Variants in GJC1 observed in about 807,000 individuals in gnomAD.
GJC1 encodes gap junction gamma-1 protein.
A neutral mutation model predicts 29.3 loss-of-function variants in GJC1; 5 were observed. The observed-to-expected ratio is 0.17, with a 90% CI of 0.09 to 0.36. The LOEUF is 0.36. Ranked by LOEUF, GJC1 falls within the 10% of genes least tolerant of loss-of-function variation. The pLI is 1.00. For synonymous variants in GJC1, 177 were observed against 183.3 expected (o/e 0.97, Z 0.28); for missense variants, 310 against 496.2 (o/e 0.62, Z 3.56).
intron 1 of GJC1, among the ~76,000 whole-genome samples, chr17:44,810,230 C>T (rs932646610): frequency 3.7e-4 from 57 of 152,258 alleles, no homozygotes; most frequent in African/African-American, 1.2e-3. Context: ...CTCCTGACCT[C>T]AGGTAATCCG....
chr17:44,799,683 C>G lies in GJC1; in HGVS notation c.*4944G>C, dbSNP rs2049818973. The G allele has an allele frequency of 6.6e-6, 1 of 152,286 alleles. No homozygotes were observed. The highest frequency in any genetic ancestry group is 1.5e-5 in the Non-Finnish European group (1 of 68,064). The allele number at this position is 152,286 out of a possible 1,614,324, so 9.4% of individuals were successfully genotyped here. On this transcript the variant is annotated 3_prime_UTR_variant, in exon 3 of 3. Coordinates refer to ENST00000592524, the MANE Select transcript of GJC1 (RefSeq NM_005497.4). The stretch of plus-strand genomic sequence containing the variant: ...CCTGTAATCCCAGCACCTTCGGAGG[C>G]TGTGATGGGAGGATTGCTTGGGCCC...
In GJC1 at chr17:44,805,879, T is replaced by A. The variant is rs529239213; in HGVS notation, c.-20-42A>T. 26 of 871,974 alleles carry A rather than the reference T, an allele frequency of 3.0e-5. No individual in the cohort carries two copies. In the African/African-American group the frequency reaches 3.7e-4, roughly 13 times the overall value. The allele number at this position is 871,974 out of a possible 1,614,324, so 54.0% of individuals were successfully genotyped here. On this transcript the variant is annotated intron_variant, in intron 2 of 2. Transcript: ENST00000592524. The surrounding 1 kb of genome is among the most constrained non-coding windows in gnomAD (Gnocchi z 5.1). ...AATACCAAAATAAAATCAACAAATA[T>A]TAAATCTTAATTTAATTACTAATTA... is the stretch of plus-strand genomic sequence containing the variant.
downstream of GJC1, chr17:44,797,831 A>G (rs2049793281): frequency 6.6e-6 from 1 of 152,240 alleles, no homozygotes; most frequent in Admixed American, 6.5e-5. Flanking sequence ...ATAGCGTTCA[A>G]ATAGCTCACA....
intron 1 of GJC1, among the ~76,000 whole-genome samples, chr17:44,821,716 A>AAAC: frequency 6.8e-6 from 1 of 147,768 alleles, no homozygotes; most frequent in African/African-American, 2.5e-5. Context: ...AAAAAAAAAA[A>AAAC]AAAAAAAAAC....
Position 44,804,319 on chromosome 17 carries a change from T to A in GJC1, c.*308A>T. On this transcript the variant is annotated 3_prime_UTR_variant, in exon 3 of 3. Coordinates refer to ENST00000592524, the MANE Select transcript of GJC1 (RefSeq NM_005497.4). The stretch of plus-strand genomic sequence containing the variant: ...TCATACTAAAAAAAAAAAAGTACCA[T>A]AATACTGTACATACAAAAACTGTTC... The A allele has an allele frequency of 1.2e-5, 3 of 259,040 alleles. No homozygotes were observed. The highest frequency in any genetic ancestry group is 7.9e-5 in the East Asian group (1 of 12,656). The allele number at this position is 259,040 out of a possible 1,614,324, so 16.0% of individuals were successfully genotyped here. A position where few individuals can be genotyped will look rare whatever the true frequency, so the allele number is the denominator to read the frequency against.
In GJC1 at chr17:44,804,998, C is replaced by G. The variant is rs1351456361; in HGVS notation, c.820G>C (p.Ala274Pro). ...TTCCAAGTGAAAGGATAATTATAAGCACCCGGATCCTCAAGTTCCCTCCTT... is the reference window on the plus strand; with the variant it reads ...TTCCAAGTGAAAGGATAATTATAAGGACCCGGATCCTCAAGTTCCCTCCTT... ...SKRRELEDPG[A>P]YNYPFTWNTP... The change falls in exon 3 of 3, where the codon GCT (alanine) becomes CCT (proline). Residue 274 changes from alanine to proline, a missense_variant. Ala to Pro is a conservative substitution (Grantham distance 27). Around this residue, in one of 4 missense-constraint regions of GJC1, gnomAD observed 146 missense variants for 165.0 expected, o/e 0.88. Transcript: ENST00000592524. 56 of 1,613,918 alleles carry G rather than the reference C, an allele frequency of 3.5e-5. No individual in the cohort carries two copies. The highest frequency in any genetic ancestry group is 4.5e-5 in the Non-Finnish European group (53 of 1,179,996).
upstream of GJC1, among the ~76,000 whole-genome samples, chr17:44,831,332 G>C (rs77165756): frequency 4.1e-3 from 631 of 152,282 alleles, 2 homozygotes; most frequent in African/African-American, 0.014. Flanking sequence ...AAAGTCAAAA[G>C]CTGCTTACTT....
intron 1 of GJC1, among the ~76,000 whole-genome samples, chr17:44,828,752 C>G (rs1161097641): frequency 6.6e-6 from 1 of 152,074 alleles, no homozygotes; most frequent in East Asian, 1.9e-4. Flanking sequence ...ATCAGGAGCT[C>G]TGGAAGTAAG....
At chr17:44,827,918 T>G (rs1298881250) in intron 1 of GJC1, among the ~76,000 whole-genome samples, 1 of 152,076 alleles carries the variant, frequency 6.6e-6, no homozygotes, top group African/African-American at 2.4e-5. Flanking sequence ...AATTTTGAAA[T>G]GTGAACATAC....
intron 1 of GJC1, among the ~76,000 whole-genome samples, chr17:44,815,094 T>C (rs2050027690): frequency 6.6e-6 from 1 of 152,108 alleles, no homozygotes; most frequent in Admixed American, 6.6e-5. Context: ...CATCTACAAA[T>C]AGAAAATGAC....
intron 1 of GJC1, among the ~76,000 whole-genome samples, chr17:44,812,411 A>C (rs1234959741): frequency 2.6e-5 from 4 of 152,210 alleles, no homozygotes; most frequent in Non-Finnish European, 4.4e-5. Flanking sequence ...AACGCTACGC[A>C]TGTGGGAGTT....
intron 1 of GJC1, among the ~76,000 whole-genome samples, chr17:44,818,771 G>A (rs1597755018): frequency 6.6e-6 from 1 of 151,862 alleles, no homozygotes; most frequent in African/African-American, 2.4e-5. Flanking sequence ...CTCCAGCCTG[G>A]GCAAGAGAGC....
intron 1 of GJC1, among the ~76,000 whole-genome samples, chr17:44,823,255 T>G (rs1597759017): frequency 1.3e-5 from 2 of 148,150 alleles, no homozygotes; most frequent in Admixed American, 6.7e-5. Flanking sequence ...CCTGTTTTTT[T>G]TTTTTTTTTT....
rs778636074 is a variant in GJC1, at chr17:44,805,562, T to A, written c.256A>T (p.Thr86Ser). 1 of 1,614,010 alleles carries A rather than the reference T, an allele frequency of 6.2e-7. No homozygotes were observed. Among genetic ancestry groups the A allele is most frequent in the South Asian group, 1.1e-5 (1 of 91,072 alleles). The change falls in exon 3 of 3, where the codon ACT (threonine) becomes TCT (serine). Residue 86 changes from threonine (T) to serine (S), a missense_variant. By Grantham distance (58) the Thr-to-Ser change is moderately conservative (BLOSUM62 1). Transcript: ENST00000592524. The surrounding 1 kb of genome is among the most constrained non-coding windows in gnomAD (Gnocchi z 5.1). Reference protein sequence around the residue: ...FWVFQIILVATPSVMYLGYAI... With the variant: ...FWVFQIILVASPSVMYLGYAI... ...TAGCCCAGGTACATCACAGAGGGAG[T>A]TGCCACCAGGATGATCTGGAACACC...
chr17:44,830,505 T>C, upstream of GJC1: 1 of 395,802 alleles, frequency 2.5e-6, no homozygotes, highest in Non-Finnish European at 4.5e-6. This position sits in a 1 kb window ranked among gnomAD's most constrained non-coding sequence, Gnocchi z 4.3. Flanking sequence ...CCGCGTGGAG[T>C]CTGGACCCCG....
rs1483665107 is a variant in GJC1 at position 44,805,215 on chromosome 17, G to A, written c.603C>T (p.Phe201=). 1.2e-6 allele frequency: 2 copies of A among 1,614,000 alleles called. No homozygotes were observed. The highest frequency in any genetic ancestry group is 1.3e-5 in the African/African-American group (1 of 74,894). ...TGCACACATAAAACGGGTGGACTTG[G>A]AAGCCATACAGAAAATACTGCCCTA... ...FLIGQYFLYG[F]QVHPFYVCSR... Residue 201 remains phenylalanine (F), a synonymous_variant, in exon 3 of 3, where the codon TTC becomes TTT. Coordinates refer to ENST00000592524, the MANE Select transcript of GJC1 (RefSeq NM_005497.4). The surrounding 1 kb of genome is among the most constrained non-coding windows in gnomAD (Gnocchi z 5.1).
chr17:44,796,073 C>T (rs2049781874), downstream of GJC1, among the ~76,000 whole-genome samples: 1 of 152,204 alleles, frequency 6.6e-6, no homozygotes, highest in East Asian at 1.9e-4. Context: ...CCTGCCAGCG[C>T]ACCGGTGCCT....
chr17:44,795,281 G>A (rs1244713920), downstream of GJC1, among the ~76,000 whole-genome samples: 1 of 152,172 alleles, frequency 6.6e-6, no homozygotes, highest in African/African-American at 2.4e-5. Context: ...AGGCTGGAGT[G>A]CAGTGGTGCG....
Position 44,804,901 on chromosome 17 carries a change from T to C in GJC1, c.917A>G (p.Asn306Ser), listed in dbSNP as rs149634707. ...GTTTTGCTTGTAGGCGATCTTAGCA[T>C]TGGACAGTTCGGTGTACTGGATTTG... ...PDQIQYTELSNAKIAYKQNKA... is the reference protein window; with the variant it reads ...PDQIQYTELSSAKIAYKQNKA... Residue 306 changes from asparagine (N) to serine (S), a missense_variant, in exon 3 of 3, where the codon AAT becomes AGT. By Grantham distance (46) the Asn-to-Ser change is conservative (BLOSUM62 1). This residue lies in a region of GJC1 where 146 missense variants were observed against 165.0 expected (regional missense o/e 0.88). Coordinates refer to ENST00000592524, the MANE Select transcript of GJC1 (RefSeq NM_005497.4). The C allele has an allele frequency of 2.5e-6, 4 of 1,614,072 alleles. No individual in the cohort carries two copies. The highest frequency in any genetic ancestry group is 2.5e-6 in the Non-Finnish European group (3 of 1,180,046).
Sources: allele counts gnomAD v4.1 joint callset (sites outside exome capture counted in the v4.1 genomes callset), GRCh38; gene constraint gnomAD v4.1.1; regional missense constraint gnomAD v4.1.1; non-coding constraint Gnocchi (gnomAD v3.1); transcripts MANE v1.5; gene names NCBI Gene and HGNC (gene_info 2026-07-23, HGNC 2026-07-21).